The following DPP8 variants were observed in gnomAD, a reference collection of about 807,000 sequenced individuals.
DPP8 encodes DPP VIII.
In DPP8, 31 loss-of-function variants were observed where a neutral mutation model predicts 107.5. The ratio of observed to expected loss-of-function variants is 0.29; its 90% CI spans 0.22 to 0.39. The LOEUF (loss-of-function observed/expected upper bound fraction) is 0.39. Among genes scored for constraint, DPP8 ranks in the 10% least tolerant of loss-of-function variants. The pLI is 1.00. For synonymous variants in DPP8, 381 were observed against 356.6 expected (o/e 1.07, Z -0.77); for missense variants, 842 against 1,076.1 (o/e 0.78, Z 3.04).
At chr15:65,485,431 CT>C (rs1471500201) in intron 7 of DPP8, among the ~76,000 whole-genome samples, 1 of 150,934 alleles carries the variant, frequency 6.6e-6, no homozygotes, top group East Asian at 2.0e-4. Flanking sequence ...GTAATCCCAG[CT>C]ACTTGGGAGG....
intron 19 of DPP8, among the ~76,000 whole-genome samples, chr15:65,447,538 T>G (rs1474857083): frequency 2.6e-5 from 4 of 152,196 alleles, no homozygotes; most frequent in Admixed American, 2.6e-4. Context: ...AACCTTTGAG[T>G]AGAAGTCTTT....
At chr15:65,492,416 G>A (rs1209625254) in intron 5 of DPP8, among the ~76,000 whole-genome samples, 1 of 152,052 alleles carries the variant, frequency 6.6e-6, no homozygotes, top group Admixed American at 6.6e-5. Flanking sequence ...TAATATGGCT[G>A]GTTAGTGTGG....
chr15:65,484,394 T>A (rs368989553), intron 8 of DPP8, among the ~76,000 whole-genome samples: 1 of 151,358 alleles, frequency 6.6e-6, no homozygotes, highest in African/African-American at 2.4e-5. Context: ...CTCAGGAGTA[T>A]AGGGTATCTT....
rs919507496 is a variant in DPP8, at chr15:65,490,078, T to G, written c.826+111A>C. ...TCAATCATCATCACTTTGGAATCTATTATCCGCTTTCAAATCTATTATCCA... is the reference window on the plus strand; with the variant it reads ...TCAATCATCATCACTTTGGAATCTAGTATCCGCTTTCAAATCTATTATCCA... On this transcript the variant is annotated intron_variant, in intron 6 of 19. Transcript: ENST00000300141. 6.1e-5 allele frequency: 40 copies of G among 652,980 alleles called. No homozygotes were observed. The African/African-American group carries it at 7.1e-4, about 12-fold the overall frequency. The allele number at this position is 652,980 out of a possible 1,614,324, so 40.4% of individuals were successfully genotyped here.
rs755034858 is a variant in DPP8, at chr15:65,451,952, G to T, written c.2414+8C>A. ...TTTAAAAAAAAAAAAAAAAAAGCTT[G>T]CACTTACTCAGAGGGGAACTTTTCT... On this transcript the variant is annotated splice_region_variant and intron_variant, in intron 18 of 19. Coordinates refer to ENST00000300141, the MANE Select transcript of DPP8 (RefSeq NM_130434.5). 4 of 1,534,810 alleles carry T rather than the reference G, an allele frequency of 2.6e-6. No individual in the cohort carries two copies. Among genetic ancestry groups the T allele is most frequent in the Admixed American group, 4.3e-5 (2 of 46,884 alleles).
At chr15:65,454,995 A>T (rs2064292096) in intron 16 of DPP8, among the ~76,000 whole-genome samples, 1 of 151,984 alleles carries the variant, frequency 6.6e-6, no homozygotes, top group South Asian at 2.1e-4. Flanking sequence ...TGCTACTCAA[A>T]CTGTCCCTTG....
chr15:65,497,409 C>A (rs559005548), intron 5 of DPP8, among the ~76,000 whole-genome samples: 1 of 152,078 alleles, frequency 6.6e-6, no homozygotes, highest in Non-Finnish European at 1.5e-5. Flanking sequence ...CATGCCACTA[C>A]GCTCAGCTAA....
intron 15 of DPP8, 124 bp downstream of exon 15, chr15:65,463,637 G>C (rs2065098764): frequency 6.8e-6 from 5 of 735,382 alleles, no homozygotes; most frequent in Non-Finnish European, 1.1e-5. Context: ...ATATAAGACG[G>C]AGTCATTAAA....
chr15:65,513,800 T>C (rs1375717341), intron 1 of DPP8, among the ~76,000 whole-genome samples: 1 of 152,194 alleles, frequency 6.6e-6, no homozygotes, highest in Non-Finnish European at 1.5e-5. Flanking sequence ...TTTTCCAACA[T>C]TTAACATGAG....
Position 65,497,881 on chromosome 15 carries a change from AG to A in DPP8, c.697del (p.Leu233SerfsTer8), listed in dbSNP as rs1457331647. 6.4e-7 allele frequency: 1 copy of A among 1,563,026 alleles called. No homozygotes were observed. Among genetic ancestry groups the A allele is most frequent in the African/African-American group, 1.3e-5 (1 of 74,110 alleles). On this transcript the variant is annotated frameshift_variant, in exon 5 of 20. Transcript: ENST00000300141. LOFTEE classifies it high-confidence loss of function. The part of the protein sequence containing the change: ...SNIVTREERR[L>X]TYVHNELANM... ...CGCCTTACCATTGTGCACATAAGTG[AG>A]TCTCCTTTCTTCTCTGGTTACGATG...
chr15:65,505,260 CAGG>C (rs1266955245), intron 3 of DPP8, among the ~76,000 whole-genome samples: 2 of 151,450 alleles, frequency 1.3e-5, no homozygotes, highest in Non-Finnish European at 2.9e-5. Context: ...TAGGCTGAGG[CAGG>C]AGAATGGTGT....
At chr15:65,500,515 T>G in intron 4 of DPP8, 91 bp downstream of exon 4, 1 of 951,764 alleles carries the variant, frequency 1.1e-6, no homozygotes, top group Non-Finnish European at 1.6e-6. Flanking sequence ...AAACTGAAGT[T>G]GCTGGTTTGT....
At chr15:65,492,758 C>A (rs975376760) in intron 5 of DPP8, among the ~76,000 whole-genome samples, 13 of 151,916 alleles carry the variant, frequency 8.6e-5, no homozygotes, top group Non-Finnish European at 1.6e-4. Flanking sequence ...CTAAGCCCAG[C>A]TAATTTTTTA....
intron 16 of DPP8, chr15:65,455,726 A>T: frequency 7.9e-7 from 1 of 1,258,912 alleles, no homozygotes; most frequent in Non-Finnish European, 1.0e-6. Flanking sequence ...CATGTCCAAT[A>T]ACACTGGCAA....
chr15:65,474,197 A>C lies in DPP8; in HGVS notation c.1536+12T>G, dbSNP rs1567192068. 1 of 1,587,062 alleles carries C rather than the reference A, an allele frequency of 6.3e-7. No individual in the cohort carries two copies. The highest frequency in any genetic ancestry group is 8.7e-7 in the Non-Finnish European group (1 of 1,155,468). On this transcript the variant is annotated intron_variant, in intron 12 of 19. Coordinates refer to ENST00000300141, the MANE Select transcript of DPP8 (RefSeq NM_130434.5). ...TACTGACCAAACATATCAGTAGAATAAAATAACATACATTAGATCCATGCC... is the reference window on the plus strand; with the variant it reads ...TACTGACCAAACATATCAGTAGAATCAAATAACATACATTAGATCCATGCC...
chr15:65,484,325 C>CAA lies in DPP8; in HGVS notation c.1017+772_1017+773dup, dbSNP rs75931988. ...CGGGTGACAGTGCAAGACTCTGTCT[C>CAA]AAAAAAAAAAAAAAGGTTGCCTAGT... On this transcript the variant is annotated intron_variant, in intron 8 of 19. Transcript: ENST00000300141. 3.4e-3 allele frequency among the ~76,000 whole-genome samples: 345 copies of CAA among 101,518 alleles called. 3 individuals are homozygous for CAA. Among genetic ancestry groups the CAA allele is most frequent in the African/African-American group, 0.011 (332 of 29,100 alleles). 66.6% of individuals were successfully genotyped at this position (101,518 alleles called of 152,430 possible). A position where few individuals can be genotyped will look rare whatever the true frequency, so the allele number is the denominator to read the frequency against.
At chr15:65,511,956 G>A in intron 2 of DPP8, 2 of 395,396 alleles carry the variant, frequency 5.1e-6, no homozygotes, top group Non-Finnish European at 1.0e-5. Context: ...AACAAAAGCA[G>A]CAGCTGTTGA....
chr15:65,484,156 G>A (rs1473647446), intron 8 of DPP8, among the ~76,000 whole-genome samples: 2 of 151,846 alleles, frequency 1.3e-5, no homozygotes, highest in African/African-American at 2.4e-5. Context: ...GTGAAACCCC[G>A]TCTCTACTAA....
intron 11 of DPP8, 30 bp downstream of exon 11, chr15:65,478,850 T>C: frequency 1.3e-6 from 2 of 1,515,022 alleles, no homozygotes; most frequent in South Asian, 2.5e-5. Flanking sequence ...CAACATTTTT[T>C]CTTTTTTTAA....
Sources: allele counts gnomAD v4.1 joint callset (sites outside exome capture counted in the v4.1 genomes callset), GRCh38; gene constraint gnomAD v4.1.1; transcripts MANE v1.5; gene names NCBI Gene and HGNC (gene_info 2026-07-23, HGNC 2026-07-21).